Variants in TOX2 observed in about 807,000 individuals in gnomAD.
The protein encoded by TOX2 is TOX high mobility group box family member 2, also known as granulosa cell HMG box 1.
A neutral mutation model predicts 47.4 loss-of-function variants in TOX2; 15 were observed. That is an observed-to-expected ratio of 0.32 (90% CI 0.21 to 0.49). The LOEUF is 0.49. Among genes scored for constraint, TOX2 ranks in the 20% least tolerant of loss-of-function variants. The probability of loss-of-function intolerance (pLI) is 0.99; values close to 1 mark genes in which losing one functional copy is unlikely to be tolerated. For synonymous variants in TOX2, 290 were observed against 296.6 expected (o/e 0.98, Z 0.23); for missense variants, 622 against 673.1 (o/e 0.92, Z 0.84).
intron 3 of TOX2, among the ~76,000 whole-genome samples, chr20:44,044,271 CT>C (rs562909489): frequency 3.3e-5 from 5 of 151,726 alleles, no homozygotes; most frequent in Non-Finnish European, 5.9e-5. Flanking sequence ...ACACTGGGGC[CT>C]GTTGTGGGGG....
intron 1 of TOX2, chr20:43,955,421 TG>T: frequency 1.9e-6 from 1 of 518,766 alleles, no homozygotes; most frequent in Non-Finnish European, 2.5e-6. Context: ...GGGGTTATGT[TG>T]GGTTTTGCTG....
At chr20:43,987,551 A>G (rs2070288132) in intron 2 of TOX2, among the ~76,000 whole-genome samples, 1 of 152,208 alleles carries the variant, frequency 6.6e-6, no homozygotes, top group Non-Finnish European at 1.5e-5. Flanking sequence ...AAGAAAGATC[A>G]AGGCATTGTA....
At position 43,951,587 on chromosome 20, in the gene TOX2, CA is replaced by C. The variant is rs201952564; in HGVS notation, c.100-21776del. On this transcript the variant is annotated intron_variant, in intron 1 of 8. Coordinates refer to ENST00000341197, the MANE Select transcript of TOX2 (RefSeq NM_001098797.2). Reference sequence around the variant, plus strand: ...AATGAAACTCCACCTCAAAACAAAACAAAAGTAGTGAATTCTGACCTTGCTT... The same window carrying C: ...AATGAAACTCCACCTCAAAACAAAACAAAGTAGTGAATTCTGACCTTGCTT... Among the ~76,000 whole-genome samples, 818 of 151,360 alleles carry C rather than the reference CA, an allele frequency of 5.4e-3. 21 individuals are homozygous for C. The East Asian group carries it at 0.083, about 15-fold the overall frequency.
intron 2 of TOX2, among the ~76,000 whole-genome samples, chr20:43,975,597 G>A (rs2070061756): frequency 6.6e-6 from 1 of 152,090 alleles, no homozygotes; most frequent in African/African-American, 2.4e-5. Flanking sequence ...ACTTGCCTCA[G>A]CCTAAATGTC....
chr20:43,970,609 C>T (rs1268427839), intron 1 of TOX2, among the ~76,000 whole-genome samples: 1 of 152,236 alleles, frequency 6.6e-6, no homozygotes, highest in Non-Finnish European at 1.5e-5. Flanking sequence ...CTATTAGGGT[C>T]TACTTATAAG....
intron 1 of TOX2, among the ~76,000 whole-genome samples, chr20:43,919,733 C>T (rs1406170263): frequency 6.6e-6 from 1 of 152,140 alleles, no homozygotes; most frequent in Non-Finnish European, 1.5e-5. Flanking sequence ...TCCATGTGTT[C>T]TCATTGTTCA....
At chr20:43,961,002 T>C (rs1300201530) in intron 1 of TOX2, among the ~76,000 whole-genome samples, 3 of 152,266 alleles carry the variant, frequency 2.0e-5, no homozygotes, top group Non-Finnish European at 2.9e-5. Context: ...GCCTGTCTTT[T>C]CCATCTTTGA....
At chr20:44,009,721 C>T (rs2070748316) in intron 3 of TOX2, among the ~76,000 whole-genome samples, 1 of 152,208 alleles carries the variant, frequency 6.6e-6, no homozygotes, top group Non-Finnish European at 1.5e-5. Context: ...GCTTACTGGG[C>T]TCATTTTCTA....
chr20:44,041,877 A>G (rs1022744993), intron 3 of TOX2, among the ~76,000 whole-genome samples: 2 of 152,256 alleles, frequency 1.3e-5, no homozygotes, highest in African/African-American at 4.8e-5. Flanking sequence ...CCGTAGTTCT[A>G]AAGAGCACAC....
intron 1 of TOX2, among the ~76,000 whole-genome samples, chr20:43,932,915 G>A (rs1368493096): frequency 3.3e-5 from 5 of 152,146 alleles, no homozygotes; most frequent in Non-Finnish European, 5.9e-5. Flanking sequence ...CACCTTCCCC[G>A]GGGTTGCTTT....
Position 44,054,540 on chromosome 20 carries a change from T to C in TOX2, c.879+14T>C. On this transcript the variant is annotated intron_variant, in intron 5 of 8. Coordinates refer to ENST00000341197, the MANE Select transcript of TOX2 (RefSeq NM_001098797.2). ...GAACAGAAGCAGGTGAGCCTCCCTC[T>C]CTTTCTGGGCCATCCCCTGAGGCTT... 1 of 1,610,306 alleles carries C rather than the reference T, an allele frequency of 6.2e-7. No homozygotes were observed. The highest frequency in any genetic ancestry group is 1.7e-4 in the Middle Eastern group (1 of 6,040).
intron 1 of TOX2, among the ~76,000 whole-genome samples, chr20:43,924,578 G>T (rs2069144581): frequency 6.6e-6 from 1 of 152,186 alleles, no homozygotes; most frequent in Admixed American, 6.5e-5. Context: ...GCCCTGCCCA[G>T]CCTCAATGCA....
Position 43,963,046 on chromosome 20 carries a change from A to G in TOX2, c.100-10321A>G, listed in dbSNP as rs1241531841. Among the ~76,000 whole-genome samples the G allele has an allele frequency of 3.3e-5, 5 of 152,132 alleles. No individual in the cohort carries two copies. The East Asian group carries it at 7.7e-4, about 23-fold the overall frequency. On this transcript the variant is annotated intron_variant, in intron 1 of 8. Transcript: ENST00000341197. ...CTTTGAGATTCAGTGTGGACTTTAT[A>G]CTTACCCACATCTCAGTTTGGACTA...
intron 2 of TOX2, among the ~76,000 whole-genome samples, chr20:43,979,206 C>T (rs538643741): frequency 6.6e-6 from 1 of 152,238 alleles, no homozygotes; most frequent in Non-Finnish European, 1.5e-5. Context: ...AAATCTTGAG[C>T]TCATAAGAGA....
chr20:43,929,786 T>C (rs2069228363), intron 1 of TOX2, among the ~76,000 whole-genome samples: 1 of 152,206 alleles, frequency 6.6e-6, no homozygotes, highest in African/African-American at 2.4e-5. Context: ...CTCAGCTCAC[T>C]GCAACCTTCA....
At chr20:43,956,628 A>G (rs2069674241) in intron 1 of TOX2, among the ~76,000 whole-genome samples, 1 of 151,832 alleles carries the variant, frequency 6.6e-6, no homozygotes, top group African/African-American at 2.4e-5. Flanking sequence ...CTCAGAGTAA[A>G]AGGCTGTTTT....
intron 2 of TOX2, among the ~76,000 whole-genome samples, chr20:43,991,375 A>C (rs368430739): frequency 2.6e-5 from 4 of 152,320 alleles, no homozygotes; most frequent in East Asian, 1.9e-4. Context: ...TCATTCATTC[A>C]TTCACTCCAA....
In TOX2 at chr20:43,917,682, C is replaced by G. The variant is rs73287071; in HGVS notation, c.99+2692C>G. Among the ~76,000 whole-genome samples the G allele has an allele frequency of 5.2e-3, 792 of 152,318 alleles. 8 individuals are homozygous for G. The highest frequency in any genetic ancestry group is 0.018 in the African/African-American group (746 of 41,566). On this transcript the variant is annotated intron_variant, in intron 1 of 8. Transcript: ENST00000341197. ...CACAGAGATTCCCAGCCTCTTTAAA[C>G]CAAAGTCACGAACATTGGTTGTTCT...
rs191365489 is a variant in TOX2, at chr20:43,986,925, G to A, written c.165+13493G>A. 2.3e-4 allele frequency among the ~76,000 whole-genome samples: 35 copies of A among 152,202 alleles called. No individual in the cohort carries two copies. In the East Asian group the frequency reaches 6.8e-3, roughly 29 times the overall value. On this transcript the variant is annotated intron_variant, in intron 2 of 8. Transcript: ENST00000341197. ...TAAAAAATTAAATAATTAGCCAGGT[G>A]TGCTGGTACATACCTGTAGTCCCAG...
Sources: allele counts gnomAD v4.1 joint callset (sites outside exome capture counted in the v4.1 genomes callset), GRCh38; gene constraint gnomAD v4.1.1; transcripts MANE v1.5; gene names NCBI Gene and HGNC (gene_info 2026-07-23, HGNC 2026-07-21).